CASQ2: variants seen among roughly 807,000 people sequenced by gnomAD.
The protein encoded by CASQ2 is calsequestrin-2.
Under a neutral mutation model 46.5 loss-of-function variants are expected in CASQ2, and 49 were observed. The ratio of observed to expected loss-of-function variants is 1.05; its 90% CI spans 0.84 to 1.34. CASQ2 has a LOEUF of 1.34. Ranked by LOEUF, CASQ2 falls within the 40% of genes most tolerant of loss-of-function variation. CASQ2 has a pLI of 0.00. For synonymous variants in CASQ2, 174 were observed against 168.5 expected (o/e 1.03, Z -0.25); for missense variants, 486 against 481.3 (o/e 1.01, Z -0.09).
At chr1:115,725,477 A>G (rs773824666) in intron 7 of CASQ2, 31 bp downstream of exon 7, 1 of 1,610,938 alleles carries the variant, frequency 6.2e-7, no homozygotes, top group East Asian at 2.2e-5. Flanking sequence ...ACTCATCTCT[A>G]CAAGGCAAAG....
chr1:115,746,161 G>GT (rs34688602), intron 1 of CASQ2, among the ~76,000 whole-genome samples: 104,560 of 149,032 alleles, frequency 0.7, 39,972 homozygotes, highest in Non-Finnish European at 0.87. Flanking sequence ...TCGATACGCT[G>GT]TTTTTTTTTT....
chr1:115,725,329 A>T (rs911239686), intron 7 of CASQ2, among the ~76,000 whole-genome samples, 179 bp downstream of exon 7: 4 of 152,036 alleles, frequency 2.6e-5, no homozygotes, highest in Non-Finnish European at 5.9e-5. Flanking sequence ...GGCCTCCCAG[A>T]GTGCTGGGAT....
chr1:115,725,157 C>T (rs1647533344), intron 7 of CASQ2, among the ~76,000 whole-genome samples: 2 of 152,140 alleles, frequency 1.3e-5, no homozygotes, highest in Admixed American at 6.5e-5. Flanking sequence ...GACTTGACCT[C>T]CCAGGCTCAA....
chr1:115,749,153 T>C lies in CASQ2; in HGVS notation c.235-4241A>G, dbSNP rs561489110. 2.0e-4 allele frequency among the ~76,000 whole-genome samples: 30 copies of C among 152,344 alleles called. 1 individual carries two copies. In the South Asian group the frequency reaches 5.0e-3, roughly 25 times the overall value. ...TAAGCCCCTCTCTCTACCTTTGGCATAGGAGAGATGTATTAATAATAGTAA... is the reference window on the plus strand; with the variant it reads ...TAAGCCCCTCTCTCTACCTTTGGCACAGGAGAGATGTATTAATAATAGTAA... On this transcript the variant is annotated intron_variant, in intron 1 of 10. Coordinates refer to ENST00000261448, the MANE Select transcript of CASQ2 (RefSeq NM_001232.4).
At chr1:115,716,645 G>A (rs1054895005) in intron 8 of CASQ2, among the ~76,000 whole-genome samples, 3 of 152,160 alleles carry the variant, frequency 2.0e-5, no homozygotes, top group Non-Finnish European at 2.9e-5. Context: ...AAAGCAGAAT[G>A]TTTGAGGTTC....
chr1:115,747,973 G>A (rs1423924214), intron 1 of CASQ2, among the ~76,000 whole-genome samples: 3 of 152,100 alleles, frequency 2.0e-5, no homozygotes, highest in African/African-American at 7.2e-5. Context: ...AGAACTTCTA[G>A]CACTATTTTG....
intron 8 of CASQ2, among the ~76,000 whole-genome samples, chr1:115,709,453 G>A (rs1414610492): frequency 6.6e-6 from 1 of 152,176 alleles, no homozygotes; most frequent in Non-Finnish European, 1.5e-5. Flanking sequence ...GGTCATGTAT[G>A]TTTCAGAAGT....
intron 1 of CASQ2, among the ~76,000 whole-genome samples, chr1:115,750,263 T>C (rs1331155502): frequency 6.6e-6 from 1 of 152,202 alleles, no homozygotes; most frequent in Admixed American, 6.5e-5. Context: ...ACTTTTCATA[T>C]AGGATTGCAA....
intron 7 of CASQ2, among the ~76,000 whole-genome samples, chr1:115,723,293 A>ATATCTATTTATC (rs1553193961): frequency 0.01 from 748 of 74,434 alleles, 6 homozygotes; most frequent in African/African-American, 0.038. Context: ...ATATCTCTCT[A>ATATCTATTTATC]TATCTATCTA....
chr1:115,745,001 AG>A (rs1648334738), intron 1 of CASQ2, 89 bp from the exon 2 acceptor site: 1 of 950,612 alleles, frequency 1.1e-6, no homozygotes, highest in East Asian at 2.4e-5. Context: ...TATCAATGGA[AG>A]GGTTTCCTCT....
chr1:115,720,317 G>A (rs766472790), intron 7 of CASQ2, among the ~76,000 whole-genome samples: 20 of 152,286 alleles, frequency 1.3e-4, no homozygotes, highest in Non-Finnish European at 2.4e-4. Flanking sequence ...GTGTCCTCAC[G>A]GTGGAAGGGA....
chr1:115,762,792 T>C (rs1649008154), intron 1 of CASQ2, among the ~76,000 whole-genome samples: 2 of 152,068 alleles, frequency 1.3e-5, no homozygotes, highest in Admixed American at 6.5e-5. Context: ...GAGGAAAAGA[T>C]AAAGGTCTTG....
At chr1:115,714,262 C>T (rs1654633615) in intron 8 of CASQ2, among the ~76,000 whole-genome samples, 1 of 152,192 alleles carries the variant, frequency 6.6e-6, no homozygotes, top group South Asian at 2.1e-4. Flanking sequence ...CAATCATCAT[C>T]ATCTTCCTCA....
intron 1 of CASQ2, among the ~76,000 whole-genome samples, chr1:115,760,038 C>T (rs953411581): frequency 6.6e-5 from 10 of 152,206 alleles, no homozygotes; most frequent in African/African-American, 2.2e-4. Context: ...GGATTAGTCA[C>T]TGATTGTGTG....
chr1:115,768,459 T>G lies in CASQ2; in HGVS notation c.83A>C (p.Tyr28Ser). The G allele has an allele frequency of 1.2e-6, 2 of 1,613,848 alleles. No homozygotes were observed. Reference protein sequence around the residue: ...RAEEGLNFPTYDGKDRVVSLS... With the variant: ...RAEEGLNFPTSDGKDRVVSLS... ...ACTTACCACTCGGTCCTTCCCATCA[T>G]ATGTGGGGAAATTAAGCCCCTCTTC... Residue 28 changes from tyrosine to serine, a missense_variant, in exon 1 of 11, where the codon TAT becomes TCT. Coordinates refer to ENST00000261448, the MANE Select transcript of CASQ2 (RefSeq NM_001232.4).
At chr1:115,748,438 C>T (rs1366994854) in intron 1 of CASQ2, among the ~76,000 whole-genome samples, 2 of 152,292 alleles carry the variant, frequency 1.3e-5, no homozygotes, top group East Asian at 1.9e-4. Context: ...GCACCAAGAG[C>T]AGCTCCGAGG....
At chr1:115,717,001 C>T (rs996289775) in intron 8 of CASQ2, among the ~76,000 whole-genome samples, 1 of 152,118 alleles carries the variant, frequency 6.6e-6, no homozygotes, top group South Asian at 2.1e-4. Flanking sequence ...TAACACCATT[C>T]CCCACTTGGT....
chr1:115,704,517 T>C (rs905804318), intron 9 of CASQ2, among the ~76,000 whole-genome samples: 4 of 152,224 alleles, frequency 2.6e-5, no homozygotes, highest in African/African-American at 7.2e-5. Flanking sequence ...CAGTAGAATA[T>C]ATCAGCTATG....
intron 1 of CASQ2, among the ~76,000 whole-genome samples, chr1:115,768,101 T>C (rs1649193015): frequency 2.0e-5 from 3 of 152,188 alleles, no homozygotes; most frequent in African/African-American, 7.2e-5. Flanking sequence ...CGTTTGGTCC[T>C]CTTCATTTGA....
Sources: gnomAD v4.1 joint callset for allele counts (sites outside exome capture counted in the v4.1 genomes callset) on GRCh38, gnomAD v4.1.1 for gene constraint, MANE v1.5 for transcripts, NCBI Gene and HGNC (gene_info 2026-07-23, HGNC 2026-07-21) for gene names.